The following ZNF813 variants were observed in gnomAD, a reference collection of about 807,000 sequenced individuals.
The protein encoded by ZNF813 is zinc finger protein 813.
ZNF813 carries 3 observed loss-of-function variants against 7.2 expected under a neutral mutation model. That is an observed-to-expected ratio of 0.42 (90% confidence interval 0.19 to 1.08). ZNF813 has a LOEUF of 1.08. Ranked by LOEUF, ZNF813 falls within the 50% of genes least tolerant of loss-of-function variation. The pLI is 0.30. For synonymous variants in ZNF813, 227 were observed against 256.3 expected, an observed-to-expected ratio of 0.89 and a Z score of 1.09; for missense variants, 714 against 753.3, an observed-to-expected ratio of 0.95 and a Z score of 0.61.
At chr19:53,477,684 G>A (rs1456334915) in intron 1 of ZNF813, among the ~76,000 whole-genome samples, 1 of 151,844 alleles carries the variant, frequency 6.6e-6, no homozygotes, top group Non-Finnish European at 1.5e-5. Context: ...AACCAGATGT[G>A]ATGGTGCACA....
intron 3 of ZNF813, among the ~76,000 whole-genome samples, chr19:53,489,767 C>G (rs567680350): frequency 6.6e-6 from 1 of 152,188 alleles, no homozygotes; most frequent in East Asian, 2.0e-4. Flanking sequence ...GTTGCAATCT[C>G]AGCTCACTGC....
chr19:53,486,827 G>C (rs183579992), intron 3 of ZNF813, 69 bp downstream of exon 3: 16,966 of 1,611,234 alleles, frequency 0.011, 32 homozygotes, highest in Non-Finnish European at 0.012. Flanking sequence ...CTTGTTTTTA[G>C]ATACAGTGTC....
Position 53,492,342 on chromosome 19 carries a change from AG to A in ZNF813, c.*257del. Reference sequence around the variant, plus strand: ...TTACAGTGGCAAATCGAGCCTCAAAAGACAGGAGAATTCATACTGGAGAGAA... The same window carrying A: ...TTACAGTGGCAAATCGAGCCTCAAAAACAGGAGAATTCATACTGGAGAGAA... On this transcript the variant is annotated 3_prime_UTR_variant, in exon 4 of 4. Coordinates refer to ENST00000396403, the MANE Select transcript of ZNF813 (RefSeq NM_001004301.4). 1 of 604,460 alleles carries A rather than the reference AG, an allele frequency of 1.7e-6. No individual in the cohort carries two copies. The allele number at this position is 604,460 out of a possible 1,614,324, so 37.4% of individuals were successfully genotyped here. A position where few individuals can be genotyped will look rare whatever the true frequency, so the allele number is the denominator to read the frequency against.
intron 3 of ZNF813, among the ~76,000 whole-genome samples, chr19:53,487,550 C>T (rs2086439998): frequency 1.3e-5 from 2 of 152,114 alleles, no homozygotes; most frequent in Admixed American, 1.3e-4. Context: ...GTAATCCCAG[C>T]ACGTAGAGAG....
rs2086341011 is a variant in ZNF813, at chr19:53,468,746, A to G, written c.-74+957A>G. 3.3e-5 allele frequency among the ~76,000 whole-genome samples: 5 copies of G among 152,296 alleles called. No homozygotes were observed. In the South Asian group the frequency reaches 1.0e-3, roughly 32 times the overall value. ...GCCAGCATATCTCGCCTCCAGCCAC[A>G]GGGCGGTTTTCTCCTATCTCAGAAT... On this transcript the variant is annotated intron_variant, in intron 1 of 3. Transcript: ENST00000396403.
intron 1 of ZNF813, among the ~76,000 whole-genome samples, chr19:53,471,751 G>T (rs2086360016): frequency 6.7e-6 from 1 of 149,060 alleles, no homozygotes; most frequent in African/African-American, 2.5e-5. Context: ...GGCGGAGCTT[G>T]CAGTGAGCCG....
intron 1 of ZNF813, among the ~76,000 whole-genome samples, chr19:53,469,832 C>A (rs866861155): frequency 6.6e-6 from 1 of 151,148 alleles, no homozygotes; most frequent in South Asian, 2.1e-4. Context: ...GAGAATTTAA[C>A]GGGGAGAGCA....
intron 1 of ZNF813, among the ~76,000 whole-genome samples, chr19:53,476,001 C>T (rs775159356): frequency 1.3e-5 from 2 of 152,054 alleles, no homozygotes; most frequent in African/African-American, 2.4e-5. Flanking sequence ...ATTTGGAATC[C>T]GGAATCTTGC....
At chr19:53,478,092 G>A (rs547294193) in intron 1 of ZNF813, among the ~76,000 whole-genome samples, 11 of 152,146 alleles carry the variant, frequency 7.2e-5, no homozygotes, top group African/African-American at 2.2e-4. Context: ...TTCCCTTTTC[G>A]CAGGGCTGGG....
Position 53,491,222 on chromosome 19 carries a change from T to C in ZNF813, c.990T>C (p.Asn330=), listed in dbSNP as rs774000429. 1.9e-5 allele frequency: 30 copies of C among 1,613,922 alleles called. No homozygotes were observed. The Middle Eastern group carries it at 6.6e-4, about 35-fold the overall frequency. Residue 330 remains asparagine, a synonymous_variant, in exon 4 of 4, where the codon AAT becomes AAC. Coordinates refer to ENST00000396403, the MANE Select transcript of ZNF813 (RefSeq NM_001004301.4). ...IHAGEKPYKC[N]ECGKTFSQTS... ...CTGGAGAAAAACCATACAAGTGTAA[T>C]GAATGTGGCAAGACCTTTAGTCAGA...
chr19:53,490,796 T>C lies in ZNF813; in HGVS notation c.564T>C (p.Ile188=). 1 of 1,613,876 alleles carries C rather than the reference T, an allele frequency of 6.2e-7. No individual in the cohort carries two copies. Among genetic ancestry groups the C allele is most frequent in the Non-Finnish European group, 8.5e-7 (1 of 1,179,740 alleles). Residue 188 remains isoleucine, a synonymous_variant, in exon 4 of 4, where the codon ATT becomes ATC. Coordinates refer to ENST00000396403, the MANE Select transcript of ZNF813 (RefSeq NM_001004301.4). ...TTTCTTGTAGGCCCAAAACCCATAT[T>C]TCTAATAACTATGGGAATAATTTCC... ...QRISCRPKTH[I]SNNYGNNFRN... is the part of the protein sequence containing the mutation.
At position 53,492,045 on chromosome 19, in the gene ZNF813, A is replaced by G. The variant is rs1326283050; in HGVS notation, c.1813A>G (p.Lys605Glu). 1 of 1,614,054 alleles carries G rather than the reference A, an allele frequency of 6.2e-7. No individual in the cohort carries two copies. Among genetic ancestry groups the G allele is most frequent in the Admixed American group, 1.7e-5 (1 of 60,002 alleles). ...ARHHRLHTGE[K>E]PYKFNECGKA... ...TCATCATAGACTTCATACTGGAGAG[A>G]AACCTTACAAGTTTAATGAGTGTGG... The change falls in exon 4 of 4, where the codon AAA becomes GAA. Residue 605 changes from lysine to glutamate, a missense_variant. Lys to Glu is a moderately conservative substitution (Grantham distance 56). Coordinates refer to ENST00000396403, the MANE Select transcript of ZNF813 (RefSeq NM_001004301.4).
chr19:53,488,137 G>C (rs2086442701), intron 3 of ZNF813: 1 of 401,198 alleles, frequency 2.5e-6, no homozygotes, highest in African/African-American at 2.1e-5. Flanking sequence ...TGATTCTCCT[G>C]CCTCAATTTC....
chr19:53,469,927 C>T (rs1290295603), intron 1 of ZNF813, among the ~76,000 whole-genome samples: 2 of 151,532 alleles, frequency 1.3e-5, no homozygotes, highest in East Asian at 1.9e-4. Context: ...ACTTAAGGTA[C>T]GCACCGGCTC....
chr19:53,485,710 G>A (rs1387697397), intron 2 of ZNF813, among the ~76,000 whole-genome samples: 1 of 151,984 alleles, frequency 6.6e-6, no homozygotes, highest in African/African-American at 2.4e-5. Flanking sequence ...TAGTTTTCAT[G>A]TATTTTCTTT....
rs1281132931 is a variant in ZNF813 at position 53,496,204 on chromosome 19, TAATA to T, written c.*4123_*4126del. On this transcript the variant is annotated 3_prime_UTR_variant, in exon 4 of 4. Coordinates refer to ENST00000396403, the MANE Select transcript of ZNF813 (RefSeq NM_001004301.4). ...GAACACGTCAGTTGGGTGGGTTCAG[TAATA>T]AATATGTGAGACTTTTCATTTCAAA... 13 of 158,970 alleles carry T rather than the reference TAATA, an allele frequency of 8.2e-5. No individual in the cohort carries two copies. Among genetic ancestry groups the T allele is most frequent in the South Asian group, 1.7e-4 (1 of 6,018 alleles). 9.8% of individuals were successfully genotyped at this position (158,970 alleles called of 1,614,324 possible).
rs550939529 is a variant in ZNF813, at chr19:53,493,126, C to T, written c.*1040C>T. 1.4e-5 allele frequency: 4 copies of T among 292,274 alleles called. No individual in the cohort carries two copies. In the East Asian group the frequency reaches 3.8e-4, roughly 28 times the overall value. The allele number at this position is 292,274 out of a possible 1,614,324, so 18.1% of individuals were successfully genotyped here. Reference sequence around the variant, plus strand: ...GAGGATTGGGCCAGGTACAGTGTCTCACACCTGTAATCCCAGCACTTTGGG... The same window carrying T: ...GAGGATTGGGCCAGGTACAGTGTCTTACACCTGTAATCCCAGCACTTTGGG... On this transcript the variant is annotated 3_prime_UTR_variant, in exon 4 of 4. Coordinates refer to ENST00000396403, the MANE Select transcript of ZNF813 (RefSeq NM_001004301.4).
chr19:53,476,776 G>C (rs2086383965), intron 1 of ZNF813, among the ~76,000 whole-genome samples: 1 of 152,046 alleles, frequency 6.6e-6, no homozygotes, highest in Non-Finnish European at 1.5e-5. Context: ...CCATTCTCCT[G>C]CCTCAGCCTT....
Position 53,491,348 on chromosome 19 carries a change from C to A in ZNF813, c.1116C>A (p.Cys372Ter), listed in dbSNP as rs200870849. 320 of 1,611,402 alleles carry A rather than the reference C, an allele frequency of 2.0e-4. No individual in the cohort carries two copies. Among genetic ancestry groups the A allele is most frequent in the Non-Finnish European group, 2.6e-4 (306 of 1,178,942 alleles). ...KTFSRKSSLT[C>*]HHRLHTGEKP... ...TTAGTCGGAAGTCATCCCTTACATGCCATCATAGACTTCATACGGGAGAGA... is the reference window on the plus strand; with the variant it reads ...TTAGTCGGAAGTCATCCCTTACATGACATCATAGACTTCATACGGGAGAGA... Residue 372 changes from cysteine (C) to a stop codon, truncating the protein, a stop_gained, in exon 4 of 4, where the codon TGC becomes TGA. Coordinates refer to ENST00000396403, the MANE Select transcript of ZNF813 (RefSeq NM_001004301.4). LOFTEE classifies it low-confidence loss of function (END_TRUNC).
Sources: allele counts gnomAD v4.1 joint callset (sites outside exome capture counted in the v4.1 genomes callset), GRCh38; gene constraint gnomAD v4.1.1; transcripts MANE v1.5; gene names NCBI Gene and HGNC (gene_info 2026-07-23, HGNC 2026-07-21).